The following ANKRD11 variants were observed in gnomAD, a reference collection of about 807,000 sequenced individuals.
ANKRD11 encodes ankyrin repeat domain-containing protein 11.
A neutral mutation model predicts 195.7 loss-of-function variants in ANKRD11; 17 were observed. That is an observed-to-expected ratio of 0.09 (90% confidence interval 0.06 to 0.13). ANKRD11 has a LOEUF of 0.13. Among genes scored for constraint, ANKRD11 ranks in the 10% least tolerant of loss-of-function variants. The pLI is 1.00. For missense variants in ANKRD11, 3,735 were observed against 3,566.1 expected (o/e 1.05, Z -1.21); for synonymous variants, 1,953 against 1,528.1 (o/e 1.28, Z -6.49).
At chr16:89,323,219 G>A (rs372552533) in intron 2 of ANKRD11, 31 of 1,002,594 alleles carry the variant, frequency 3.1e-5, no homozygotes, top group East Asian at 6.0e-5. Context: ...CGGACTGAGC[G>A]GAGGAAAAAA....
chr16:89,408,380 G>A (rs753767376), intron 2 of ANKRD11, among the ~76,000 whole-genome samples: 20 of 152,258 alleles, frequency 1.3e-4, no homozygotes, highest in Admixed American at 3.3e-4. Flanking sequence ...AGAAAGGCCA[G>A]CATCAGCACC....
intron 1 of ANKRD11, among the ~76,000 whole-genome samples, 192 bp downstream of exon 1, chr16:89,490,053 G>T (rs1420518406): frequency 1.5e-5 from 2 of 130,594 alleles, no homozygotes; most frequent in Non-Finnish European, 3.3e-5. Context: ...GGCCCGCTCC[G>T]GGACCCATTA....
intron 1 of ANKRD11, among the ~76,000 whole-genome samples, chr16:89,430,757 G>A (rs367926156): frequency 1.3e-4 from 20 of 152,246 alleles, no homozygotes; most frequent in African/African-American, 4.6e-4. Flanking sequence ...CCTGATGGCC[G>A]GCCACTGTAA....
chr16:89,467,394 A>G (rs951074826), intron 1 of ANKRD11, among the ~76,000 whole-genome samples: 4 of 152,212 alleles, frequency 2.6e-5, no homozygotes, highest in Non-Finnish European at 5.9e-5. Context: ...GTGAGCTGTG[A>G]TGGCAACACT....
intron 2 of ANKRD11, among the ~76,000 whole-genome samples, chr16:89,370,933 C>T (rs982646428): frequency 6.6e-6 from 1 of 152,148 alleles, no homozygotes; most frequent in African/African-American, 2.4e-5. Flanking sequence ...CGCCACGAGA[C>T]GCCCAAGAAC....
chr16:89,297,853 C>G (rs531946094), intron 4 of ANKRD11: 1 of 152,208 alleles, frequency 6.6e-6, no homozygotes, highest in African/African-American at 2.4e-5. Context: ...GGGCCTACCC[C>G]TGTCTGCTGC....
intron 2 of ANKRD11, among the ~76,000 whole-genome samples, chr16:89,362,238 C>T (rs2039762345): frequency 1.3e-5 from 2 of 152,232 alleles, no homozygotes; most frequent in Admixed American, 1.3e-4. Flanking sequence ...ACAAACTGAA[C>T]GGCACATATG....
chr16:89,440,213 G>C (rs2043387071), intron 1 of ANKRD11, among the ~76,000 whole-genome samples: 1 of 152,204 alleles, frequency 6.6e-6, no homozygotes, highest in Admixed American at 6.5e-5. Flanking sequence ...TCAGTGTGCT[G>C]TAATTAGAAA....
At chr16:89,486,553 C>T (rs1416388733) in intron 1 of ANKRD11, among the ~76,000 whole-genome samples, 1 of 151,796 alleles carries the variant, frequency 6.6e-6, no homozygotes, top group Non-Finnish European at 1.5e-5. Context: ...GAGATGGCAG[C>T]GAGGTATGTC....
chr16:89,371,473 C>A (rs1441021990), intron 2 of ANKRD11, among the ~76,000 whole-genome samples: 3 of 152,230 alleles, frequency 2.0e-5, no homozygotes, highest in African/African-American at 7.2e-5. Flanking sequence ...ACGCCAGCAG[C>A]TTCTCTCTGG....
In ANKRD11 at chr16:89,379,131, T is replaced by A. The variant is rs141876324; in HGVS notation, c.-60+39153A>T. Among the ~76,000 whole-genome samples the A allele has an allele frequency of 8.2e-3, 1,255 of 152,290 alleles. 15 individuals carry two copies. The highest frequency in any genetic ancestry group is 0.029 in the African/African-American group (1,193 of 41,560). On this transcript the variant is annotated intron_variant, in intron 2 of 12. Coordinates refer to ENST00000301030, the MANE Select transcript of ANKRD11 (RefSeq NM_013275.6). ...CAGGAAGGCCTTTCTCACTGGCTTC[T>A]AGAAGGTGGGGCCGGCCCCCATGCC...
intron 2 of ANKRD11, among the ~76,000 whole-genome samples, chr16:89,403,380 G>A (rs1307883788): frequency 6.6e-6 from 1 of 152,176 alleles, no homozygotes; most frequent in African/African-American, 2.4e-5. Context: ...TCATCTGTCT[G>A]AGGATAGGAA....
intron 2 of ANKRD11, chr16:89,324,572 C>G (rs1208084736): frequency 2.2e-6 from 1 of 454,100 alleles, no homozygotes; most frequent in Non-Finnish European, 4.4e-6. Flanking sequence ...AACCCTCCAT[C>G]TGGGGGGGCA....
At chr16:89,425,521 G>A (rs984959431) in intron 1 of ANKRD11, among the ~76,000 whole-genome samples, 2 of 152,156 alleles carry the variant, frequency 1.3e-5, no homozygotes, top group African/African-American at 4.8e-5. Flanking sequence ...GGTGCCAGGA[G>A]CCCCACAATC....
In ANKRD11 at chr16:89,283,039, G is replaced by C. The variant is rs1160740389; in HGVS notation, c.3503C>G (p.Ser1168Cys). The C allele has an allele frequency of 1.2e-6, 2 of 1,613,738 alleles. No individual in the cohort carries two copies. Among genetic ancestry groups the C allele is most frequent in the East Asian group, 2.2e-5 (1 of 44,850 alleles). ...CTGCCTCTCAGGGTGCTGCTTGTCA[G>C]AAGACTTCCTGTGTCTGTCGGAGGC... ...AYASDRHRKS[S>C]DKQHPERQKD... Residue 1168 changes from serine to cysteine, a missense_variant, in exon 9 of 13, where the codon TCT becomes TGT. Physicochemically the swap from Ser to Cys is moderately radical, Grantham distance 112 (BLOSUM62 -1). Transcript: ENST00000301030. This position sits in a 1 kb window ranked among gnomAD's most constrained non-coding sequence, Gnocchi z 4.3.
chr16:89,440,175 G>A (rs544129760), intron 1 of ANKRD11, among the ~76,000 whole-genome samples: 7 of 152,188 alleles, frequency 4.6e-5, no homozygotes, highest in Admixed American at 1.3e-4. Flanking sequence ...CAATGGCAGG[G>A]TTCACAGGAT....
intron 1 of ANKRD11, among the ~76,000 whole-genome samples, chr16:89,428,292 A>G (rs111461657): frequency 0.041 from 6,183 of 151,334 alleles, 201 homozygotes; most frequent in East Asian, 0.17. Flanking sequence ...TTGGGAGGCC[A>G]AGGCGGGCAG....
chr16:89,324,752 T>C (rs1597646667), intron 2 of ANKRD11: 2 of 315,468 alleles, frequency 6.3e-6, no homozygotes, highest in South Asian at 5.0e-5. Flanking sequence ...CAGGGGTTCT[T>C]GGGCCTTCGG....
chr16:89,316,970 A>G lies in ANKRD11; in HGVS notation c.50T>C (p.Leu17Pro), dbSNP rs750560440. The change falls in exon 3 of 13, where the codon CTC becomes CCC. Residue 17 changes from leucine (L) to proline (P), a missense_variant. Physicochemically the swap from Leu to Pro is moderately conservative, Grantham distance 98. Coordinates refer to ENST00000301030, the MANE Select transcript of ANKRD11 (RefSeq NM_013275.6). ...CTGCTTCTCCACCATGTCGCTGCTG[A>G]GGGGAAGCTCTTCCTGCTGTGGTGC... The part of the protein sequence containing the change: ...PKAPQQEELP[L>P]SSDMVEKQTG... The G allele has an allele frequency of 6.2e-7, 1 of 1,613,714 alleles. No individual in the cohort carries two copies. Among genetic ancestry groups the G allele is most frequent in the Non-Finnish European group, 8.5e-7 (1 of 1,179,944 alleles).
Sources: gnomAD v4.1 joint callset for allele counts (sites outside exome capture counted in the v4.1 genomes callset) on GRCh38, gnomAD v4.1.1 for gene constraint, Gnocchi (gnomAD v3.1) non-coding constraint, MANE v1.5 for transcripts, NCBI Gene and HGNC (gene_info 2026-07-23, HGNC 2026-07-21) for gene names.